The following ACSL3 variants were observed in gnomAD, a reference collection of about 807,000 sequenced individuals.
ACSL3 encodes acyl-CoA synthetase long chain family member 3.
Under a neutral mutation model 84.7 loss-of-function variants are expected in ACSL3, and 34 were observed. The ratio of observed to expected loss-of-function variants is 0.40; its 90% CI spans 0.31 to 0.53. The LOEUF (loss-of-function observed/expected upper bound fraction) is 0.53. Ranked by LOEUF, ACSL3 falls within the 20% of genes least tolerant of loss-of-function variation. The pLI, the probability that ACSL3 is intolerant of heterozygous loss-of-function variation, is 0.48. For synonymous variants in ACSL3, 315 were observed against 299.4 expected, an observed-to-expected ratio of 1.05 and a Z score of -0.54; for missense variants, 680 against 873.1, an observed-to-expected ratio of 0.78 and a Z score of 2.79.
chr2:222,921,765 A>G (rs1006235000), intron 8 of ACSL3, among the ~76,000 whole-genome samples: 2 of 152,104 alleles, frequency 1.3e-5, no homozygotes, highest in African/African-American at 4.8e-5. Flanking sequence ...TTTATCCACT[A>G]AGTATTTGTT....
At chr2:222,869,082 A>G (rs189445376) in intron 1 of ACSL3, among the ~76,000 whole-genome samples, 3 of 152,142 alleles carry the variant, frequency 2.0e-5, no homozygotes, top group Admixed American at 6.5e-5. Flanking sequence ...CCAAGGGTCT[A>G]CTCTTGTTAG....
chr2:222,890,963 G>A (rs1695832586), intron 2 of ACSL3, among the ~76,000 whole-genome samples: 1 of 152,196 alleles, frequency 6.6e-6, no homozygotes, highest in South Asian at 2.1e-4. Flanking sequence ...ATATTTAAAA[G>A]TGAATTTGTT....
At chr2:222,861,564 C>T (rs1375104512) in intron 1 of ACSL3, 1 of 152,314 alleles carries the variant, frequency 6.6e-6, no homozygotes, top group South Asian at 2.1e-4. Flanking sequence ...GGAGGATGCA[C>T]TGCGTGCCTC....
At chr2:222,917,884 A>G (rs1696625675) in intron 5 of ACSL3, 162 bp from the exon 6 acceptor site, 1 of 436,246 alleles carries the variant, frequency 2.3e-6, no homozygotes, top group Middle Eastern at 5.9e-4. Context: ...TGTAATGTTG[A>G]TTAGTATGAT....
chr2:222,889,226 G>A (rs759093885), intron 2 of ACSL3, among the ~76,000 whole-genome samples: 3 of 152,176 alleles, frequency 2.0e-5, no homozygotes, highest in Admixed American at 6.5e-5. Context: ...GTGCATTTAT[G>A]TGTGCTCAGT....
At chr2:222,900,653 T>G (rs1193000251) in intron 2 of ACSL3, 21 bp from the exon 3 acceptor site, 1 of 152,198 alleles carries the variant, frequency 6.6e-6, no homozygotes, top group Non-Finnish European at 1.5e-5. Flanking sequence ...AATTCATGAC[T>G]TAATTCTATA....
intron 11 of ACSL3, among the ~76,000 whole-genome samples, chr2:222,926,479 C>T (rs887695163): frequency 1.3e-5 from 2 of 151,988 alleles, no homozygotes; most frequent in African/African-American, 4.8e-5. Context: ...TTTTCAGAAA[C>T]ATCAATTAGA....
At chr2:222,885,655 C>T (rs1024510350) in intron 1 of ACSL3, among the ~76,000 whole-genome samples, 1 of 152,116 alleles carries the variant, frequency 6.6e-6, no homozygotes, top group African/African-American at 2.4e-5. Context: ...TTATTTCCCC[C>T]CTGGATGAAT....
At chr2:222,882,495 T>C (rs1284388448) in intron 1 of ACSL3, among the ~76,000 whole-genome samples, 1 of 152,120 alleles carries the variant, frequency 6.6e-6, no homozygotes, top group East Asian at 1.9e-4. Context: ...GGGATAGTTT[T>C]GGGATGAAAC....
At chr2:222,940,927 G>A (rs912922228) in intron 16 of ACSL3, among the ~76,000 whole-genome samples, 3 of 151,570 alleles carry the variant, frequency 2.0e-5, no homozygotes, top group African/African-American at 7.3e-5. Flanking sequence ...ATGAGATGGG[G>A]TTTCGCTCTG....
At chr2:222,895,266 A>C (rs1695944967) in intron 2 of ACSL3, among the ~76,000 whole-genome samples, 1 of 152,186 alleles carries the variant, frequency 6.6e-6, no homozygotes, top group African/African-American at 2.4e-5. Flanking sequence ...AGAAGCACCC[A>C]GAAGAAAATC....
chr2:222,880,755 G>A (rs529061185), intron 1 of ACSL3, among the ~76,000 whole-genome samples: 174 of 151,600 alleles, frequency 1.1e-3, no homozygotes, highest in African/African-American at 2.2e-3. Flanking sequence ...GCGTGAACCC[G>A]GGAGGCGGAG....
intron 7 of ACSL3, 51 bp downstream of exon 7, chr2:222,919,253 C>T: frequency 6.3e-7 from 1 of 1,586,786 alleles, no homozygotes; most frequent in Non-Finnish European, 8.6e-7. Flanking sequence ...TGACCACATT[C>T]TCCAGAATTA....
intron 2 of ACSL3, among the ~76,000 whole-genome samples, chr2:222,888,847 T>G (rs1277496702): frequency 6.6e-6 from 1 of 152,202 alleles, no homozygotes; most frequent in Non-Finnish European, 1.5e-5. Context: ...GAAAAAGGAA[T>G]ATACTTTGTC....
rs1327846348 is a variant in ACSL3 at position 222,867,594 on chromosome 2, CTCAAT to C, written c.-207+6340_-207+6344del. On this transcript the variant is annotated intron_variant, in intron 1 of 16. Coordinates refer to ENST00000357430, the MANE Select transcript of ACSL3 (RefSeq NM_004457.5). ...TGTGGTTTCATGAATTGAGTTTCAA[CTCAAT>C]TCATCAGTGTGGGTTCATGTAGATT... is the stretch of plus-strand genomic sequence containing the variant. Among the ~76,000 whole-genome samples the C allele has an allele frequency of 2.0e-5, 3 of 152,186 alleles. No individual in the cohort carries two copies. In the East Asian group the frequency reaches 5.8e-4, roughly 29 times the overall value.
At chr2:222,911,556 G>A (rs1033267702) in intron 4 of ACSL3, among the ~76,000 whole-genome samples, 15 of 152,146 alleles carry the variant, frequency 9.9e-5, no homozygotes, top group Admixed American at 1.3e-4. Context: ...GAAGTCTTAT[G>A]TTTCAGGAAG....
intron 4 of ACSL3, among the ~76,000 whole-genome samples, chr2:222,910,594 A>G (rs1696417204): frequency 6.6e-6 from 1 of 152,244 alleles, no homozygotes; most frequent in South Asian, 2.1e-4. Flanking sequence ...AATTTCATAC[A>G]TCATTTTCCT....
rs140921750 is a variant in ACSL3 at position 222,930,790 on chromosome 2, C to G, written c.1710C>G (p.Pro570=). ...LCTGDIGEFE[P]DGCLKIIDRK... is the part of the protein sequence containing the mutation. ...CTGGGGATATTGGAGAGTTTGAACC[C>G]GATGGATGCTTAAAGATTATTGGTA... Residue 570 remains proline (P), a synonymous_variant, in exon 14 of 17, where the codon CCC becomes CCG. Coordinates refer to ENST00000357430, the MANE Select transcript of ACSL3 (RefSeq NM_004457.5). 3.1e-6 allele frequency: 5 copies of G among 1,601,032 alleles called. No homozygotes were observed. The highest frequency in any genetic ancestry group is 4.3e-6 in the Non-Finnish European group (5 of 1,174,442).
chr2:222,943,315 A>G lies in ACSL3; in HGVS notation c.*1661A>G, dbSNP rs1430855366. The G allele has an allele frequency of 5.2e-6, 1 of 192,496 alleles. No homozygotes were observed. Among genetic ancestry groups the G allele is most frequent in the African/African-American group, 2.3e-5 (1 of 43,066 alleles). The allele number at this position is 192,496 out of a possible 1,614,324, so 11.9% of individuals were successfully genotyped here. A position where few individuals can be genotyped will look rare whatever the true frequency, so the allele number is the denominator to read the frequency against. Reference sequence around the variant, plus strand: ...TCATAATTAAATATTAATGTTTGGGATAACTGCCAAGAAGAAGTAAAAATA... The same window carrying G: ...TCATAATTAAATATTAATGTTTGGGGTAACTGCCAAGAAGAAGTAAAAATA... On this transcript the variant is annotated 3_prime_UTR_variant, in exon 17 of 17. Transcript: ENST00000357430.
Sources: gnomAD v4.1 joint callset for allele counts (sites outside exome capture counted in the v4.1 genomes callset) on GRCh38, gnomAD v4.1.1 for gene constraint, MANE v1.5 for transcripts, NCBI Gene and HGNC (gene_info 2026-07-23, HGNC 2026-07-21) for gene names.